The following ZBTB46 variants were observed in gnomAD, a reference collection of about 807,000 sequenced individuals.
ZBTB46 encodes zinc finger and BTB domain-containing protein 46.
ZBTB46 carries 8 observed loss-of-function variants against 44.1 expected under a neutral mutation model. That is an observed-to-expected ratio of 0.18 (90% CI 0.11 to 0.33). The LOEUF is 0.33. Among genes scored for constraint, ZBTB46 ranks in the 10% least tolerant of loss-of-function variants. ZBTB46 has a pLI of 1.00. For synonymous variants in ZBTB46, 409 were observed against 382.3 expected (o/e 1.07, Z -0.81); for missense variants, 651 against 847.7 (o/e 0.77, Z 2.88).
chr20:63,792,188 CT>C (rs2092566564), intron 1 of ZBTB46, among the ~76,000 whole-genome samples: 1 of 152,148 alleles, frequency 6.6e-6, no homozygotes, highest in Non-Finnish European at 1.5e-5. Flanking sequence ...TTCTGGGGTC[CT>C]AGGGGGCTAG....
chr20:63,816,156 G>A (rs2092756493), intron 1 of ZBTB46, among the ~76,000 whole-genome samples: 1 of 150,656 alleles, frequency 6.6e-6, no homozygotes, highest in Non-Finnish European at 1.5e-5. Context: ...GGTGCAGTGG[G>A]TGCAGGTGCG....
At chr20:63,832,167 G>C (rs564572300), upstream of ZBTB46, among the ~76,000 whole-genome samples, 36 of 152,298 alleles carry the variant, frequency 2.4e-4, no homozygotes, top group African/African-American at 8.2e-4. The surrounding 1 kb of genome is among the most constrained non-coding windows in gnomAD (Gnocchi z 5.0). Context: ...CGATCCGAAC[G>C]GCCTGGGACG....
At chr20:63,828,459 T>A (rs550131844) in intron 1 of ZBTB46, among the ~76,000 whole-genome samples, 1 of 152,222 alleles carries the variant, frequency 6.6e-6, no homozygotes, top group Non-Finnish European at 1.5e-5. Flanking sequence ...AGCAACAAGA[T>A]GAATTTTTCC....
At chr20:63,806,005 C>T (rs1481539551) in intron 1 of ZBTB46, among the ~76,000 whole-genome samples, 1 of 149,226 alleles carries the variant, frequency 6.7e-6, no homozygotes, top group African/African-American at 2.4e-5. Flanking sequence ...GAACTCCTGA[C>T]CTCAGGTGCT....
chr20:63,816,126 G>A (rs1487528811), intron 1 of ZBTB46, among the ~76,000 whole-genome samples: 1 of 146,012 alleles, frequency 6.8e-6, no homozygotes, highest in East Asian at 2.3e-4. Flanking sequence ...GCGCAGGTGG[G>A]CGCAGGTGCA....
intron 1 of ZBTB46, among the ~76,000 whole-genome samples, chr20:63,791,221 C>T (rs181296221): frequency 1.9e-3 from 293 of 152,258 alleles, no homozygotes; most frequent in African/African-American, 6.8e-3. Flanking sequence ...CCAGGCTGGG[C>T]GCGGTGGCTC....
At chr20:63,819,683 T>C (rs763967586) in intron 1 of ZBTB46, among the ~76,000 whole-genome samples, 2 of 152,166 alleles carry the variant, frequency 1.3e-5, no homozygotes, top group Non-Finnish European at 2.9e-5. Context: ...CTGCAACGTC[T>C]AGTGAAATCC....
At position 63,747,014 on chromosome 20, in the gene ZBTB46, C is replaced by G; in HGVS notation, c.1686G>C (p.Leu562Phe). Reference sequence around the variant, plus strand: ...AGTCTTCCTCATCCTTGTCGTCCGCCAACAGCGCATCCTCAGGGGCCAGGC... The same window carrying G: ...AGTCTTCCTCATCCTTGTCGTCCGCGAACAGCGCATCCTCAGGGGCCAGGC... ...DEGLAPEDAL[L>F]ADDKDEEDSP... The change falls in exon 5 of 5, where the codon TTG becomes TTC. Residue 562 changes from leucine (L) to phenylalanine (F), a missense_variant. Leu to Phe is a conservative substitution (Grantham distance 22). Around this residue, in one of 5 missense-constraint regions of ZBTB46, gnomAD observed 106 missense variants for 81.0 expected, o/e 1.31. Coordinates refer to ENST00000245663, the MANE Select transcript of ZBTB46 (RefSeq NM_001369741.1). The G allele has an allele frequency of 6.2e-7, 1 of 1,608,114 alleles. No individual in the cohort carries two copies. The highest frequency in any genetic ancestry group is 8.5e-7 in the Non-Finnish European group (1 of 1,179,596).
rs887732448 is a variant in ZBTB46, at chr20:63,776,466, A to T, written c.938-504T>A. Among the ~76,000 whole-genome samples, 9 of 152,200 alleles carry T rather than the reference A, an allele frequency of 5.9e-5. 1 individual carries two copies. Among genetic ancestry groups the T allele is most frequent in the Admixed American group, 3.9e-4 (6 of 15,286 alleles). Reference sequence around the variant, plus strand: ...AAACCAAGCACAAGCAACAAAATAAATTGGACTCATCAAAATTAAATGTCT... The same window carrying T: ...AAACCAAGCACAAGCAACAAAATAATTTGGACTCATCAAAATTAAATGTCT... On this transcript the variant is annotated intron_variant, in intron 2 of 4. Coordinates refer to ENST00000245663, the MANE Select transcript of ZBTB46 (RefSeq NM_001369741.1).
chr20:63,783,947 TCA>T (rs1474871740), intron 2 of ZBTB46, among the ~76,000 whole-genome samples: 1 of 152,128 alleles, frequency 6.6e-6, no homozygotes. Flanking sequence ...TGGGGGAACC[TCA>T]CATTCCGTCG....
At chr20:63,772,194 C>A (rs1221245917) in intron 3 of ZBTB46, among the ~76,000 whole-genome samples, 1 of 152,028 alleles carries the variant, frequency 6.6e-6, no homozygotes, top group Non-Finnish European at 1.5e-5. Context: ...CAGGGTTTCG[C>A]CATGTTGGCC....
chr20:63,764,700 T>A (rs2092304355), intron 3 of ZBTB46, among the ~76,000 whole-genome samples: 1 of 151,736 alleles, frequency 6.6e-6, no homozygotes, highest in African/African-American at 2.4e-5. Flanking sequence ...CCTCCCAGGT[T>A]CAAACAGTTC....
intron 1 of ZBTB46, among the ~76,000 whole-genome samples, chr20:63,815,669 G>GGTACA (rs2092747764): frequency 6.7e-6 from 1 of 150,368 alleles, no homozygotes; most frequent in African/African-American, 2.5e-5. Flanking sequence ...AGTGAGTGCA[G>GGTACA]GTGGGCATAG....
intron 1 of ZBTB46, among the ~76,000 whole-genome samples, chr20:63,802,702 G>A (rs1382977472): frequency 3.0e-5 from 4 of 134,488 alleles, no homozygotes; most frequent in South Asian, 2.5e-4. Context: ...GCCGACGACC[G>A]AACCTCAGGC....
intron 2 of ZBTB46, among the ~76,000 whole-genome samples, chr20:63,786,661 A>G (rs2092517096): frequency 6.6e-6 from 1 of 151,902 alleles, no homozygotes; most frequent in Non-Finnish European, 1.5e-5. Context: ...ACAGGCGCGC[A>G]CCACCACGCC....
chr20:63,744,564 T>C lies in ZBTB46; in HGVS notation c.*2366A>G, dbSNP rs1366255141. ...AATATTTATTAGTTTGAACATCGAT[T>C]TAAAAAAAAATCAGTCACATAAAAA... On this transcript the variant is annotated 3_prime_UTR_variant, in exon 5 of 5. Coordinates refer to ENST00000245663, the MANE Select transcript of ZBTB46 (RefSeq NM_001369741.1). 6.6e-6 allele frequency: 1 copy of C among 152,246 alleles called. No individual in the cohort carries two copies. The highest frequency in any genetic ancestry group is 1.5e-5 in the Non-Finnish European group (1 of 68,018). The allele number at this position is 152,246 out of a possible 1,614,324, so 9.4% of individuals were successfully genotyped here.
intron 3 of ZBTB46, chr20:63,769,416 C>T: frequency 1.0e-6 from 1 of 985,452 alleles, no homozygotes; most frequent in South Asian, 4.7e-5. Flanking sequence ...GTCTCACCCA[C>T]AGGAACGCGC....
At chr20:63,766,840 G>A (rs915801976) in intron 3 of ZBTB46, among the ~76,000 whole-genome samples, 1 of 152,236 alleles carries the variant, frequency 6.6e-6, no homozygotes, top group Non-Finnish European at 1.5e-5. Flanking sequence ...CCGGAAAGGG[G>A]ATGGGCTGTT....
intron 1 of ZBTB46, among the ~76,000 whole-genome samples, chr20:63,804,549 A>T (rs769771810): frequency 3.6e-4 from 54 of 152,062 alleles, no homozygotes; most frequent in Admixed American, 1.6e-3. Flanking sequence ...CAGCCCAGGG[A>T]CCACATCTCA....
Sources: gnomAD v4.1 joint callset for allele counts (sites outside exome capture counted in the v4.1 genomes callset) on GRCh38, gnomAD v4.1.1 for gene constraint, gnomAD v4.1.1 regional missense constraint, Gnocchi (gnomAD v3.1) non-coding constraint, MANE v1.5 for transcripts, NCBI Gene and HGNC (gene_info 2026-07-23, HGNC 2026-07-21) for gene names.